RALB: variants seen among roughly 807,000 people sequenced by gnomAD.
RALB encodes the protein RAS like proto-oncogene B, also known as ras-related protein Ral-B.
In RALB, 16 loss-of-function variants were observed where a neutral mutation model predicts 21.3. That is an observed-to-expected ratio of 0.75 (90% CI 0.51 to 1.14). The LOEUF is 1.14. RALB is among the 50% of genes most tolerant of loss of function. The pLI, the probability that RALB is intolerant of heterozygous loss-of-function variation, is 0.00. For missense variants in RALB, 161 were observed against 256.2 expected (o/e 0.63, Z 2.54); for synonymous variants, 93 against 96.1 (o/e 0.97, Z 0.19).
At chr2:120,257,238 G>A (rs942591010) in intron 1 of RALB, among the ~76,000 whole-genome samples, 9 of 152,166 alleles carry the variant, frequency 5.9e-5, no homozygotes, top group Non-Finnish European at 1.0e-4. Context: ...TGGCAAAGTA[G>A]CTGAAAAATT....
intron 3 of RALB, 52 bp from the exon 4 acceptor site, chr2:120,289,528 G>T (rs1690255519): frequency 3.2e-6 from 5 of 1,562,620 alleles, no homozygotes; most frequent in Middle Eastern, 1.8e-4. Context: ...CACAAAACCA[G>T]GGTTCGTTCT....
chr2:120,253,308 G>A, intron 1 of RALB: 1 of 833,068 alleles, frequency 1.2e-6, no homozygotes, highest in Non-Finnish European at 1.4e-6. Context: ...CCTCCCGCTC[G>A]GGACCGTCCA....
intron 1 of RALB, among the ~76,000 whole-genome samples, chr2:120,247,220 C>G (rs2104568813): frequency 6.6e-6 from 1 of 152,302 alleles, no homozygotes; most frequent in East Asian, 1.9e-4. Flanking sequence ...AGGCGTATGT[C>G]TCAGTTACAA....
chr2:120,248,940 G>A (rs1446345209), upstream of RALB, among the ~76,000 whole-genome samples: 6 of 151,914 alleles, frequency 3.9e-5, no homozygotes, highest in Admixed American at 3.9e-4. Context: ...AAAGTGCTGG[G>A]ATTATAGGCA....
At chr2:120,276,000 A>G (rs2104627386) in intron 1 of RALB, among the ~76,000 whole-genome samples, 1 of 152,328 alleles carries the variant, frequency 6.6e-6, no homozygotes, top group African/African-American at 2.4e-5. Flanking sequence ...ACCAGTTAGG[A>G]CCAAGTGTGC....
chr2:120,257,022 G>A (rs921908527), intron 1 of RALB, among the ~76,000 whole-genome samples: 2 of 152,172 alleles, frequency 1.3e-5, no homozygotes, highest in African/African-American at 4.8e-5. Flanking sequence ...CCGGTTCTTT[G>A]TTAGATGCTG....
exon 1 of RALB, chr2:120,240,090 C>T (rs1223691718): frequency 2.3e-6 from 3 of 1,289,654 alleles, no homozygotes; most frequent in South Asian, 2.5e-5. Context: ...GAGCGGGTGG[C>T]AGGAGGAGGT....
intron 1 of RALB, among the ~76,000 whole-genome samples, chr2:120,242,967 T>C (rs1293954943): frequency 6.6e-6 from 1 of 152,186 alleles, no homozygotes; most frequent in Non-Finnish European, 1.5e-5. Context: ...CTAACTGGCT[T>C]CCAGGGGCCA....
At chr2:120,274,014 A>G (rs1689728574) in intron 1 of RALB, among the ~76,000 whole-genome samples, 1 of 152,218 alleles carries the variant, frequency 6.6e-6, no homozygotes, top group Admixed American at 6.5e-5. Flanking sequence ...TTGTTTTTGA[A>G]AACAGCAGTT....
intron 2 of RALB, among the ~76,000 whole-genome samples, chr2:120,280,529 A>T (rs1229595242): frequency 8.0e-6 from 1 of 125,662 alleles, no homozygotes; most frequent in African/African-American, 3.1e-5. Flanking sequence ...GGAGGGGAAC[A>T]TCACATGCTG....
intron 1 of RALB, among the ~76,000 whole-genome samples, chr2:120,240,759 C>T (rs1453810339): frequency 1.3e-5 from 2 of 152,188 alleles, no homozygotes; most frequent in Non-Finnish European, 1.5e-5. Context: ...TCCATGACCT[C>T]CTGGGTGTCT....
intron 1 of RALB, among the ~76,000 whole-genome samples, chr2:120,273,027 C>T (rs916980166): frequency 2.0e-5 from 3 of 152,274 alleles, no homozygotes; most frequent in African/African-American, 4.8e-5. Context: ...ATCTCTAATA[C>T]CCTGTGTCAT....
intron 1 of RALB, among the ~76,000 whole-genome samples, chr2:120,260,923 C>T (rs753354991): frequency 2.3e-4 from 35 of 152,086 alleles, no homozygotes; most frequent in Non-Finnish European, 3.7e-4. Flanking sequence ...GAATGGTTTC[C>T]GTAAATAGTG....
rs767817367 is a variant in RALB, at chr2:120,293,129, C to T, written c.502-12C>T. ...TTCACTATTCTTTTTACTCTTTACT[C>T]CTCACCCCCAGGTGTTCTTTGACCT... On this transcript the variant is annotated splice_polypyrimidine_tract_variant and intron_variant, in intron 4 of 4. Coordinates refer to ENST00000272519, the MANE Select transcript of RALB (RefSeq NM_002881.3). 7 of 1,597,902 alleles carry T rather than the reference C, an allele frequency of 4.4e-6. No individual in the cohort carries two copies. Among genetic ancestry groups the T allele is most frequent in the Non-Finnish European group, 6.0e-6 (7 of 1,174,682 alleles).
chr2:120,278,790 T>C lies in RALB; in HGVS notation c.114+12T>C. On this transcript the variant is annotated intron_variant, in intron 2 of 4. Transcript: ENST00000272519. ...TCATGTATGACGAGGTAAGCCCTGC[T>C]AGGCACAGACCACCTTCCTTTGGCA... 6.6e-7 allele frequency: 1 copy of C among 1,515,750 alleles called. No individual in the cohort carries two copies. The highest frequency in any genetic ancestry group is 8.9e-7 in the Non-Finnish European group (1 of 1,126,420). The allele number at this position is 1,515,750 out of a possible 1,614,324, so 93.9% of individuals were successfully genotyped here. A position where few individuals can be genotyped will look rare whatever the true frequency, so the allele number is the denominator to read the frequency against.
intron 1 of RALB, among the ~76,000 whole-genome samples, chr2:120,242,698 A>C (rs984956461): frequency 4.6e-5 from 7 of 152,304 alleles, no homozygotes; most frequent in Non-Finnish European, 5.9e-5. Flanking sequence ...AGATCGCACC[A>C]CTGCACTCCA....
Position 120,293,307 on chromosome 2 carries a change from TG to T in RALB, c.*50del. 1 of 1,553,504 alleles carries T rather than the reference TG, an allele frequency of 6.4e-7. No homozygotes were observed. The highest frequency in any genetic ancestry group is 2.4e-5 in the East Asian group (1 of 42,082). Reference sequence around the variant, plus strand: ...CCAGCTGCTCCTAAGGACACAGGGCTGGGTTGGTAAAGAGAAGGCTATGGTT... The same window carrying T: ...CCAGCTGCTCCTAAGGACACAGGGCTGGTTGGTAAAGAGAAGGCTATGGTT... On this transcript the variant is annotated 3_prime_UTR_variant, in exon 5 of 5. Transcript: ENST00000272519.
chr2:120,246,145 T>G (rs1451983125), intron 1 of RALB, among the ~76,000 whole-genome samples: 3 of 152,198 alleles, frequency 2.0e-5, no homozygotes, highest in Admixed American at 6.5e-5. Flanking sequence ...GTTTAAAAAA[T>G]GCTGCTCATA....
chr2:120,247,962 T>G (rs924924264), upstream of RALB, among the ~76,000 whole-genome samples: 4 of 152,190 alleles, frequency 2.6e-5, no homozygotes, highest in African/African-American at 2.4e-5. Flanking sequence ...TAACTAGCCA[T>G]TTATTCCTGC....
Sources: gnomAD v4.1 joint callset for allele counts (sites outside exome capture counted in the v4.1 genomes callset) on GRCh38, gnomAD v4.1.1 for gene constraint, MANE v1.5 for transcripts, NCBI Gene and HGNC (gene_info 2026-07-23, HGNC 2026-07-21) for gene names.